HMGN3: variants seen among roughly 807,000 people sequenced by gnomAD.
HMGN3 encodes the protein high mobility group nucleosome-binding domain-containing protein 3.
HMGN3 carries 6 observed loss-of-function variants against 18.8 expected under a neutral mutation model. The observed-to-expected ratio is 0.32, with a 90% CI of 0.18 to 0.63. HMGN3 has a LOEUF of 0.63. HMGN3 is among the 30% of genes least tolerant of loss of function. HMGN3 has a pLI of 0.79. For missense variants in HMGN3, 107 were observed against 114.2 expected (o/e 0.94, Z 0.29); for synonymous variants, 40 against 36.5 (o/e 1.10, Z -0.35).
At chr6:79,203,679 ATCAGCACC>A in intron 3 of HMGN3, 49 bp from the exon 4 acceptor site, 1 of 1,325,406 alleles carries the variant, frequency 7.5e-7, no homozygotes, top group Non-Finnish European at 1.1e-6. Flanking sequence ...AAAAAAAACT[ATCAGCACC>A]AAAAGAAACA....
chr6:79,202,602 A>G (rs1440396638), intron 4 of HMGN3, among the ~76,000 whole-genome samples: 1 of 152,240 alleles, frequency 6.6e-6, no homozygotes, highest in East Asian at 1.9e-4. Context: ...CAGGTTGCAC[A>G]GAAAGTCCAG....
intron 1 of HMGN3, among the ~76,000 whole-genome samples, chr6:79,220,549 C>T (rs775564360): frequency 7.9e-5 from 12 of 152,236 alleles, no homozygotes; most frequent in Admixed American, 1.3e-4. Context: ...TGGGTTCAAG[C>T]GATTCTCCTG....
At chr6:79,210,234 G>GT (rs566397778) in intron 2 of HMGN3, among the ~76,000 whole-genome samples, 19 of 152,064 alleles carry the variant, frequency 1.2e-4, no homozygotes, top group Non-Finnish European at 4.4e-5. Flanking sequence ...GGTATCTTGT[G>GT]TTTTTTTAAT....
At chr6:79,214,204 CTTTTTTTTT>C (rs147294632) in intron 2 of HMGN3, among the ~76,000 whole-genome samples, 1 of 135,844 alleles carries the variant, frequency 7.4e-6, no homozygotes, top group East Asian at 2.1e-4. Flanking sequence ...AGTTCTTTTT[CTTTTTTTTT>C]TTTTTTTAGA....
intron 2 of HMGN3, among the ~76,000 whole-genome samples, chr6:79,211,920 C>T (rs979253117): frequency 1.3e-5 from 2 of 152,012 alleles, no homozygotes; most frequent in African/African-American, 4.8e-5. Context: ...CTGGATACTG[C>T]TTGAAACACA....
At chr6:79,217,577 C>G (rs1206453985) in intron 1 of HMGN3, among the ~76,000 whole-genome samples, 1 of 152,102 alleles carries the variant, frequency 6.6e-6, no homozygotes, top group African/African-American at 2.4e-5. Context: ...TTCAACAGAG[C>G]CTTAAAGTTG....
chr6:79,219,788 T>C (rs894043757), intron 1 of HMGN3, among the ~76,000 whole-genome samples: 1 of 152,226 alleles, frequency 6.6e-6, no homozygotes, highest in Non-Finnish European at 1.5e-5. Context: ...TTTTTTGTAC[T>C]AAATCTTTAA....
chr6:79,202,064 C>T lies in HMGN3; in HGVS notation c.261+212G>A, dbSNP rs1422840922. 6 of 1,536,966 alleles carry T rather than the reference C, an allele frequency of 3.9e-6. No homozygotes were observed. In the African/African-American group the frequency reaches 6.8e-5, roughly 18 times the overall value. On this transcript the variant is annotated intron_variant, in intron 5 of 5. Transcript: ENST00000344726. ...AGAATTTTCTACTGTACCCTTAACT[C>T]TCACTGTTTCAATCTGCCCCTTTAC... is the stretch of plus-strand genomic sequence containing the variant.
intron 2 of HMGN3, among the ~76,000 whole-genome samples, chr6:79,209,771 T>G (rs1776595240): frequency 6.6e-6 from 1 of 152,232 alleles, no homozygotes; most frequent in Admixed American, 6.5e-5. Flanking sequence ...TCTTGCCATC[T>G]CCACATCTAA....
chr6:79,211,603 C>A lies in HMGN3; in HGVS notation c.67-3027G>T, dbSNP rs535957347. Reference sequence around the variant, plus strand: ...TGCCAATATCCAATTATTTTACTAGCTCTCAGGGAGGGAAGGAGGGCTTTT... The same window carrying A: ...TGCCAATATCCAATTATTTTACTAGATCTCAGGGAGGGAAGGAGGGCTTTT... On this transcript the variant is annotated intron_variant, in intron 2 of 5. Transcript: ENST00000344726. 8.6e-5 allele frequency among the ~76,000 whole-genome samples: 13 copies of A among 151,766 alleles called. No homozygotes were observed. In the South Asian group the frequency reaches 2.7e-3, roughly 32 times the overall value.
chr6:79,221,967 CTTAG>C (rs961653975), intron 1 of HMGN3, among the ~76,000 whole-genome samples: 1 of 144,822 alleles, frequency 6.9e-6, no homozygotes, highest in Non-Finnish European at 1.6e-5. Flanking sequence ...CACATAGGCT[CTTAG>C]TTACTTAGAG....
chr6:79,229,903 C>T (rs751682932), intron 1 of HMGN3, among the ~76,000 whole-genome samples: 5 of 152,104 alleles, frequency 3.3e-5, no homozygotes, highest in Admixed American at 1.3e-4. Flanking sequence ...TAAACATAGA[C>T]TTTCATACCA....
chr6:79,201,919 T>C, intron 5 of HMGN3, 144 bp downstream of exon 6: 8 of 1,442,452 alleles, frequency 5.5e-6, no homozygotes, highest in Non-Finnish European at 6.3e-6. Flanking sequence ...CTTTGTTTCA[T>C]TTATTGCTTT....
At chr6:79,207,293 CA>C (rs1315649435) in intron 3 of HMGN3, among the ~76,000 whole-genome samples, 1 of 152,154 alleles carries the variant, frequency 6.6e-6, no homozygotes, top group Non-Finnish European at 1.5e-5. Context: ...ATAACTCCCA[CA>C]GTTCCCATGT....
At chr6:79,225,280 A>G (rs929421325) in intron 1 of HMGN3, among the ~76,000 whole-genome samples, 2 of 152,240 alleles carry the variant, frequency 1.3e-5, no homozygotes, top group Non-Finnish European at 2.9e-5. Flanking sequence ...CTCTCAGGGT[A>G]GATTTTGTAT....
At chr6:79,231,499 C>T (rs538995383) in intron 1 of HMGN3, among the ~76,000 whole-genome samples, 3 of 152,336 alleles carry the variant, frequency 2.0e-5, no homozygotes, top group African/African-American at 7.2e-5. Context: ...TGCTGTATTA[C>T]TTCACAAAAT....
In HMGN3 at chr6:79,213,035, A is replaced by T. The variant is rs950405941; in HGVS notation, c.66+1937T>A. Among the ~76,000 whole-genome samples, 7 of 151,386 alleles carry T rather than the reference A, an allele frequency of 4.6e-5. No individual in the cohort carries two copies. The East Asian group carries it at 7.7e-4, about 17-fold the overall frequency. On this transcript the variant is annotated intron_variant, in intron 2 of 5. Coordinates refer to ENST00000344726, the Ensembl canonical transcript of HMGN3. ...ACCAAAAATACATAAAATATATAGA[A>T]ATAATATAAAATAAAATATAAAAAT...
intron 1 of HMGN3, among the ~76,000 whole-genome samples, chr6:79,223,754 T>C (rs1030445710): frequency 6.9e-5 from 10 of 145,488 alleles, no homozygotes; most frequent in African/African-American, 2.2e-4. Context: ...TTTTTTTTTA[T>C]GTGCTGTGGT....
At chr6:79,204,299 T>A (rs1776295001) in intron 3 of HMGN3, among the ~76,000 whole-genome samples, 1 of 152,178 alleles carries the variant, frequency 6.6e-6, no homozygotes, top group Non-Finnish European at 1.5e-5. Context: ...AAGTTTAAAT[T>A]TTTCACAGAT....
Sources: allele counts gnomAD v4.1 joint callset (sites outside exome capture counted in the v4.1 genomes callset), GRCh38; gene constraint gnomAD v4.1.1; transcripts MANE v1.5; gene names NCBI Gene and HGNC (gene_info 2026-07-23, HGNC 2026-07-21).